The following SRD5A2 variants were observed in gnomAD, a reference collection of about 807,000 sequenced individuals.
SRD5A2 encodes 3-oxo-5-alpha-steroid 4-dehydrogenase 2.
A neutral mutation model predicts 27.4 loss-of-function variants in SRD5A2; 30 were observed. That is an observed-to-expected ratio of 1.10 (90% CI 0.82 to 1.49). The LOEUF is 1.49. SRD5A2 is among the 40% of genes most tolerant of loss of function. The probability of loss-of-function intolerance (pLI) is 0.00; values close to 1 mark genes in which losing one functional copy is unlikely to be tolerated. For synonymous variants in SRD5A2, 141 were observed against 133.6 expected (o/e 1.06, Z -0.38); for missense variants, 348 against 323.4 (o/e 1.08, Z -0.58).
chr2:31,625,984 C>T, the SRD5A2 span, among the ~76,000 whole-genome samples: 6 of 152,210 alleles, frequency 3.9e-5, no homozygotes, highest in East Asian at 5.8e-4. Flanking sequence ...TGATTCTTCC[C>T]ATCCATGAGC....
chr2:31,583,996 T>C (rs944373543), upstream of SRD5A2, among the ~76,000 whole-genome samples: 9 of 152,126 alleles, frequency 5.9e-5, no homozygotes, highest in African/African-American at 2.2e-4. Context: ...TTAGCTCGTT[T>C]GAATACTTTT....
At chr2:31,577,810 C>A (rs780250100) in intron 1 of SRD5A2, among the ~76,000 whole-genome samples, 1 of 152,088 alleles carries the variant, frequency 6.6e-6, no homozygotes, top group East Asian at 1.9e-4. Flanking sequence ...TATATCAAGA[C>A]CCTAAAGAAT....
chr2:31,652,350 C>CTGGT, the SRD5A2 span, among the ~76,000 whole-genome samples: 2 of 152,088 alleles, frequency 1.3e-5, no homozygotes, highest in African/African-American at 2.4e-5. Context: ...ACTTGGCCAA[C>CTGGT]TGGTGAATTT....
the SRD5A2 span, among the ~76,000 whole-genome samples, chr2:31,658,317 T>G: frequency 2.6e-5 from 4 of 151,728 alleles, no homozygotes; most frequent in South Asian, 6.2e-4. Flanking sequence ...CCTAGAGGAA[T>G]GAGAAAAACA....
rs367622632 is a variant in SRD5A2, at chr2:31,533,628, C to A, written c.420G>T (p.Trp140Cys). ...LIYCAEYPDG[W>C]YTDIRFSLGV... ...CCAAGCTAAACCGTATGTCTGTGTA[C>A]CACCCATCAGGGTATTCAGCACAGT... The change falls in exon 2 of 5, where the codon TGG becomes TGT. Residue 140 changes from tryptophan (W) to cysteine (C), a missense_variant. Transcript: ENST00000622030. 3 of 1,552,784 alleles carry A rather than the reference C, an allele frequency of 1.9e-6. No individual in the cohort carries two copies. The highest frequency in any genetic ancestry group is 2.7e-5 in the African/African-American group (2 of 73,106).
At chr2:31,614,653 G>T in the SRD5A2 span, among the ~76,000 whole-genome samples, 4 of 152,326 alleles carry the variant, frequency 2.6e-5, no homozygotes, top group African/African-American at 9.6e-5. Flanking sequence ...CACTGCCCTA[G>T]CAGAGATTCT....
the SRD5A2 span, among the ~76,000 whole-genome samples, chr2:31,632,393 TC>T: frequency 6.6e-6 from 1 of 151,988 alleles, no homozygotes; most frequent in Non-Finnish European, 1.5e-5. Context: ...GAAATAAGCC[TC>T]CCCCTGTCCA....
At chr2:31,631,085 A>C in the SRD5A2 span, among the ~76,000 whole-genome samples, 9 of 152,222 alleles carry the variant, frequency 5.9e-5, no homozygotes, top group Non-Finnish European at 1.0e-4. Flanking sequence ...TCCTGACTCA[A>C]AAGGTTACCT....
intron 1 of SRD5A2, among the ~76,000 whole-genome samples, chr2:31,549,165 T>C (rs1331854105): frequency 6.6e-6 from 1 of 150,650 alleles, no homozygotes; most frequent in Non-Finnish European, 1.5e-5. Context: ...CAGGCTGGGG[T>C]GCAGTGGCAC....
At chr2:31,593,575 T>C in the SRD5A2 span, among the ~76,000 whole-genome samples, 3 of 152,198 alleles carry the variant, frequency 2.0e-5, no homozygotes, top group East Asian at 1.9e-4. Context: ...TAATTGGTGT[T>C]CTTTGTTCTT....
chr2:31,531,642 G>C (rs977166790), intron 2 of SRD5A2, among the ~76,000 whole-genome samples, 170 bp from the exon 3 acceptor site: 4 of 152,180 alleles, frequency 2.6e-5, no homozygotes, highest in Non-Finnish European at 5.9e-5. Flanking sequence ...GTCCTGAATG[G>C]GGAGCACTGG....
In SRD5A2 at chr2:31,533,707, C is replaced by T; in HGVS notation, c.341G>A (p.Arg114Lys). ...GRPYPAILIL[R>K]GTAFCTGNGV... is the part of the protein sequence containing the mutation. ...ATTTCCAGTGCAGAAGGCAGTGCCT[C>T]TGAGAATGAGTATAGCTGGATAAGG... Residue 114 changes from arginine (R) to lysine (K), a missense_variant, in exon 2 of 5, where the codon AGA (arginine) becomes AAA (lysine). By Grantham distance (26) the Arg-to-Lys change is conservative (BLOSUM62 2). Coordinates refer to ENST00000622030, the MANE Select transcript of SRD5A2 (RefSeq NM_000348.4). The T allele has an allele frequency of 1.3e-6, 2 of 1,595,256 alleles. No individual in the cohort carries two copies. Among genetic ancestry groups the T allele is most frequent in the Non-Finnish European group, 1.7e-6 (2 of 1,170,578 alleles).
At chr2:31,581,480 C>T (rs1288347128), upstream of SRD5A2, among the ~76,000 whole-genome samples, 4 of 152,180 alleles carry the variant, frequency 2.6e-5, no homozygotes, top group Non-Finnish European at 5.9e-5. Flanking sequence ...TCTGGGGCGC[C>T]GCGCTCCTTA....
chr2:31,631,718 G>A, the SRD5A2 span, among the ~76,000 whole-genome samples: 1 of 152,148 alleles, frequency 6.6e-6, no homozygotes, highest in Non-Finnish European at 1.5e-5. Flanking sequence ...AATGAAAGAA[G>A]TGCTGCCATA....
At chr2:31,622,936 G>A in the SRD5A2 span, among the ~76,000 whole-genome samples, 3 of 151,956 alleles carry the variant, frequency 2.0e-5, no homozygotes, top group Admixed American at 2.0e-4. Flanking sequence ...CAGCTCCTGA[G>A]GCATCCACTT....
the SRD5A2 span, among the ~76,000 whole-genome samples, chr2:31,652,643 G>A: frequency 9.9e-5 from 15 of 152,190 alleles, no homozygotes; most frequent in South Asian, 6.2e-4. Context: ...AATTGGATAC[G>A]GTTGAAATGC....
chr2:31,614,794 T>G, the SRD5A2 span, among the ~76,000 whole-genome samples: 1 of 151,762 alleles, frequency 6.6e-6, no homozygotes, highest in Non-Finnish European at 1.5e-5. Context: ...CCTAGTACCA[T>G]GTAAGCCAAT....
intron 1 of SRD5A2, among the ~76,000 whole-genome samples, chr2:31,558,393 T>C (rs1666545055): frequency 6.6e-6 from 1 of 152,136 alleles, no homozygotes; most frequent in African/African-American, 2.4e-5. Flanking sequence ...GCTGGAAGTA[T>C]GAGATCAAGG....
At chr2:31,572,488 A>G (rs1248763330) in intron 1 of SRD5A2, among the ~76,000 whole-genome samples, 1 of 152,234 alleles carries the variant, frequency 6.6e-6, no homozygotes, top group Non-Finnish European at 1.5e-5. Context: ...AGTTAAGAGA[A>G]TAAAAGAGAC....
Sources: allele counts gnomAD v4.1 joint callset (sites outside exome capture counted in the v4.1 genomes callset), GRCh38; gene constraint gnomAD v4.1.1; transcripts MANE v1.5; gene names NCBI Gene and HGNC (gene_info 2026-07-23, HGNC 2026-07-21).